The following BCKDHB variants were observed in gnomAD, a reference collection of about 807,000 sequenced individuals.
The protein encoded by BCKDHB is 2-oxoisovalerate dehydrogenase subunit beta, mitochondrial.
A neutral mutation model predicts 48.5 loss-of-function variants in BCKDHB; 41 were observed. The ratio of observed to expected loss-of-function variants is 0.85; its 90% CI spans 0.66 to 1.10. The LOEUF (loss-of-function observed/expected upper bound fraction) is 1.10. BCKDHB is among the 50% of genes least tolerant of loss of function. The pLI is 0.00. For missense variants in BCKDHB, 496 were observed against 494.2 expected (o/e 1.00, Z -0.03); for synonymous variants, 201 against 174.8 (o/e 1.15, Z -1.18).
chr6:80,425,478 C>G, the BCKDHB span, among the ~76,000 whole-genome samples: 2 of 152,030 alleles, frequency 1.3e-5, no homozygotes, highest in Non-Finnish European at 2.9e-5. Context: ...TCAGAGTAAA[C>G]TATGTGTGGT....
intron 8 of BCKDHB, among the ~76,000 whole-genome samples, chr6:80,223,138 G>A (rs534640614): frequency 2.6e-5 from 4 of 152,142 alleles, no homozygotes; most frequent in Admixed American, 2.0e-4. Flanking sequence ...ATAGAAACAA[G>A]GTAAACATCT....
At chr6:80,133,510 C>T (rs1222082653) in intron 3 of BCKDHB, among the ~76,000 whole-genome samples, 1 of 152,164 alleles carries the variant, frequency 6.6e-6, no homozygotes, top group African/African-American at 2.4e-5. Context: ...GCTTTAACCA[C>T]TGTACGTAAT....
At chr6:80,133,862 C>T (rs1440633057) in intron 3 of BCKDHB, among the ~76,000 whole-genome samples, 3 of 152,024 alleles carry the variant, frequency 2.0e-5, no homozygotes, top group East Asian at 3.9e-4. Context: ...AGGCTGGTCT[C>T]GAACTCCTGA....
chr6:80,414,602 CT>C, the BCKDHB span, among the ~76,000 whole-genome samples: 1 of 152,102 alleles, frequency 6.6e-6, no homozygotes, highest in Non-Finnish European at 1.5e-5. Flanking sequence ...GTTCTCTATT[CT>C]GTTCTATTGG....
At chr6:80,220,687 A>G (rs1423541036) in intron 8 of BCKDHB, among the ~76,000 whole-genome samples, 1 of 151,024 alleles carries the variant, frequency 6.6e-6, no homozygotes, top group Non-Finnish European at 1.5e-5. Context: ...CTTTGTAGGC[A>G]ATTTGAATGC....
intron 8 of BCKDHB, among the ~76,000 whole-genome samples, chr6:80,242,568 T>TACAC (rs141146473): frequency 6.6e-6 from 1 of 150,616 alleles, no homozygotes; most frequent in Non-Finnish European, 1.5e-5. Flanking sequence ...CATACACATG[T>TACAC]ACACACACAC....
At chr6:80,414,231 T>A in the BCKDHB span, among the ~76,000 whole-genome samples, 7 of 152,212 alleles carry the variant, frequency 4.6e-5, no homozygotes, top group Non-Finnish European at 8.8e-5. Context: ...AAATTTTTTC[T>A]CCCATTCTGT....
At chr6:80,216,018 ACGTGAGCCAC>A (rs1308875131) in intron 8 of BCKDHB, among the ~76,000 whole-genome samples, 6 of 152,110 alleles carry the variant, frequency 3.9e-5, no homozygotes, top group Non-Finnish European at 7.4e-5. Context: ...GGGATTACAG[ACGTGAGCCAC>A]CGTGCCCGGC....
intron 3 of BCKDHB, among the ~76,000 whole-genome samples, chr6:80,150,550 CTTTTTTTT>C (rs758701261): frequency 5.7e-5 from 6 of 105,466 alleles, no homozygotes; most frequent in African/African-American, 1.8e-4. Flanking sequence ...AGTTTGTCAT[CTTTTTTTT>C]TTTTTTTTTT....
At chr6:80,322,431 G>T (rs1356921610) in intron 9 of BCKDHB, among the ~76,000 whole-genome samples, 1 of 151,760 alleles carries the variant, frequency 6.6e-6, no homozygotes, top group Non-Finnish European at 1.5e-5. Context: ...TAGAGACAGG[G>T]TTTCACCATG....
At chr6:80,296,494 G>C (rs1293586316) in intron 9 of BCKDHB, among the ~76,000 whole-genome samples, 4 of 152,132 alleles carry the variant, frequency 2.6e-5, no homozygotes, top group Non-Finnish European at 5.9e-5. Flanking sequence ...CATCACTCCT[G>C]TATGATTTTA....
chr6:80,197,073 A>G (rs1156717372), intron 6 of BCKDHB, among the ~76,000 whole-genome samples: 1 of 152,182 alleles, frequency 6.6e-6, no homozygotes, highest in African/African-American at 2.4e-5. Flanking sequence ...CTGTGAAAAT[A>G]GGAATCTGTA....
chr6:80,316,974 A>G (rs1021744777), intron 9 of BCKDHB, among the ~76,000 whole-genome samples: 11 of 152,222 alleles, frequency 7.2e-5, no homozygotes, highest in Admixed American at 3.9e-4. Flanking sequence ...TTCTCCAGAA[A>G]GATTTACGCT....
At chr6:80,133,674 G>C (rs9448897) in intron 3 of BCKDHB, among the ~76,000 whole-genome samples, 55,682 of 151,496 alleles carry the variant, frequency 0.37, 12,220 homozygotes, top group Admixed American at 0.56. Context: ...ACAGAGTCTT[G>C]CTCTGTCACC....
At chr6:80,213,345 G>A (rs1301870346) in intron 8 of BCKDHB, among the ~76,000 whole-genome samples, 2 of 152,082 alleles carry the variant, frequency 1.3e-5, no homozygotes, top group Non-Finnish European at 2.9e-5. Flanking sequence ...TATTAGAATA[G>A]GAACAATTTA....
chr6:80,451,733 GA>G, the BCKDHB span, among the ~76,000 whole-genome samples: 21,124 of 109,306 alleles, frequency 0.19, 1,628 homozygotes, highest in African/African-American at 0.28. Flanking sequence ...TGTCTCAAAA[GA>G]AAAAAAAAAA....
At chr6:80,139,641 C>G (rs1054393534) in intron 3 of BCKDHB, among the ~76,000 whole-genome samples, 3 of 152,018 alleles carry the variant, frequency 2.0e-5, no homozygotes, top group Non-Finnish European at 4.4e-5. Flanking sequence ...TCTGAGGGCT[C>G]TGTTCTGTTC....
the BCKDHB span, among the ~76,000 whole-genome samples, chr6:80,387,722 C>G: frequency 6.6e-6 from 1 of 152,236 alleles, no homozygotes; most frequent in Non-Finnish European, 1.5e-5. Flanking sequence ...GCAAGGCCAG[C>G]AATATACTGT....
chr6:80,191,337 C>G (rs779589258), intron 6 of BCKDHB, among the ~76,000 whole-genome samples: 13 of 152,042 alleles, frequency 8.6e-5, no homozygotes, highest in African/African-American at 1.4e-4. Context: ...TTTTCTGTCT[C>G]CTCTGCATTT....
Sources: gnomAD v4.1 joint callset for allele counts (sites outside exome capture counted in the v4.1 genomes callset) on GRCh38, gnomAD v4.1.1 for gene constraint, MANE v1.5 for transcripts, NCBI Gene and HGNC (gene_info 2026-07-23, HGNC 2026-07-21) for gene names.